The following EPHA8 variants were observed in gnomAD, a reference collection of about 807,000 sequenced individuals.
EPHA8 encodes EPH receptor A8, also known as ephrin type-A receptor 8.
In EPHA8, 58 loss-of-function variants were observed where a neutral mutation model predicts 103.6. The ratio of observed to expected loss-of-function variants is 0.56; its 90% CI spans 0.45 to 0.70. EPHA8 has a LOEUF of 0.70. Ranked by LOEUF, EPHA8 falls within the 30% of genes least tolerant of loss-of-function variation. The pLI, the probability that EPHA8 is intolerant of heterozygous loss-of-function variation, is 0.00. For missense variants in EPHA8, 1,304 were observed against 1,395.2 expected (o/e 0.93, Z 1.04); for synonymous variants, 559 against 572.5 (o/e 0.98, Z 0.34).
In EPHA8 at chr1:22,597,752, C is replaced by G; in HGVS notation, c.2007C>G (p.Leu669=). 2 of 1,613,178 alleles carry G rather than the reference C, an allele frequency of 1.2e-6. No homozygotes were observed. The highest frequency in any genetic ancestry group is 1.7e-6 in the Non-Finnish European group (2 of 1,179,998). ...QRDVPVAIKA[L]KAGYTERQRR... is the part of the protein sequence containing the mutation. ...ATGTGCCCGTGGCCATCAAGGCCCT[C>G]AAAGCCGGCTACACGGAGAGACAGA... The change falls in exon 11 of 17, where the codon CTC becomes CTG. Residue 669 remains leucine (L), a synonymous_variant. Coordinates refer to ENST00000166244, the MANE Select transcript of EPHA8 (RefSeq NM_020526.5). This position sits in a 1 kb window ranked among gnomAD's most constrained non-coding sequence, Gnocchi z 4.6.
At chr1:22,564,138 G>A (rs953797293) in intron 1 of EPHA8, among the ~76,000 whole-genome samples, 1 of 151,164 alleles carries the variant, frequency 6.6e-6, no homozygotes, top group African/African-American at 2.4e-5. Flanking sequence ...CAGGGGGGTA[G>A]GCACTGGGGT....
At chr1:22,579,904 T>G (rs918250368) in intron 3 of EPHA8, among the ~76,000 whole-genome samples, 3 of 151,984 alleles carry the variant, frequency 2.0e-5, no homozygotes, top group African/African-American at 4.8e-5. Flanking sequence ...CCTTTAGTCC[T>G]CATCACCCAT....
chr1:22,564,770 C>T (rs757590740), intron 1 of EPHA8, among the ~76,000 whole-genome samples: 5 of 152,110 alleles, frequency 3.3e-5, no homozygotes, highest in African/African-American at 4.8e-5. Flanking sequence ...GTTCCCACAG[C>T]TCTGCCCCAA....
At chr1:22,577,973 GTA>G (rs1491541780) in intron 3 of EPHA8, among the ~76,000 whole-genome samples, 1 of 62,830 alleles carries the variant, frequency 1.6e-5, no homozygotes, top group Non-Finnish European at 3.0e-5. Flanking sequence ...GTGCATGTGC[GTA>G]TGTGTGCATG....
At chr1:22,573,460 A>C (rs1640599239) in intron 2 of EPHA8, among the ~76,000 whole-genome samples, 1 of 152,158 alleles carries the variant, frequency 6.6e-6, no homozygotes, top group Admixed American at 6.5e-5. Flanking sequence ...GATGGGCAGA[A>C]AAAGACTTGA....
chr1:22,564,904 C>T (rs994028725), intron 1 of EPHA8, among the ~76,000 whole-genome samples: 1 of 152,112 alleles, frequency 6.6e-6, no homozygotes, highest in Non-Finnish European at 1.5e-5. Context: ...TGCTCTTCCA[C>T]GCCCAGACAG....
At chr1:22,601,507 G>A in intron 16 of EPHA8, 34 bp downstream of exon 16, 1 of 1,604,790 alleles carries the variant, frequency 6.2e-7, no homozygotes, top group Non-Finnish European at 8.5e-7. Context: ...CCCCATGCGT[G>A]TGGGGGCAGG....
At chr1:22,593,859 G>GT (rs1266217311) in intron 7 of EPHA8, among the ~76,000 whole-genome samples, 173 bp downstream of exon 7, 2 of 152,228 alleles carry the variant, frequency 1.3e-5, no homozygotes, top group Non-Finnish European at 2.9e-5. Context: ...TTGAGACAGA[G>GT]TTTCACTCTG....
In EPHA8 at chr1:22,576,604, C is replaced by T; in HGVS notation, c.547C>T (p.Leu183=). Residue 183 remains leucine, a synonymous_variant, in exon 3 of 17, where the codon CTG becomes TTG. Transcript: ENST00000166244. The surrounding 1 kb of genome is among the most constrained non-coding windows in gnomAD (Gnocchi z 4.8). ...VGPLSKRGFY[L]AFQDIGACLA... Reference sequence around the variant, plus strand: ...TCCCCTCAGCAAGCGCGGCTTCTACCTGGCCTTCCAGGACATAGGTGCCTG... The same window carrying T: ...TCCCCTCAGCAAGCGCGGCTTCTACTTGGCCTTCCAGGACATAGGTGCCTG... 2.5e-6 allele frequency: 4 copies of T among 1,614,064 alleles called. No individual in the cohort carries two copies. The highest frequency in any genetic ancestry group is 3.4e-6 in the Non-Finnish European group (4 of 1,180,048).
chr1:22,596,690 C>T (rs1168490083), intron 9 of EPHA8, among the ~76,000 whole-genome samples: 1 of 151,056 alleles, frequency 6.6e-6, no homozygotes, highest in Non-Finnish European at 1.5e-5. Context: ...GAGACAGAGT[C>T]TCACTCTGTT....
In EPHA8 at chr1:22,601,697, C is replaced by A. The variant is rs542943867; in HGVS notation, c.2974C>A (p.Arg992=). The change falls in exon 17 of 17, where the codon CGG becomes AGG. Residue 992 remains arginine, a synonymous_variant. Coordinates refer to ENST00000166244, the MANE Select transcript of EPHA8 (RefSeq NM_020526.5). Reference sequence around the variant, plus strand: ...GATCCTGGGCAGCATTCAGACCATGCGGGCCCAGCTGACCAGCACCCAGGG... The same window carrying A: ...GATCCTGGGCAGCATTCAGACCATGAGGGCCCAGCTGACCAGCACCCAGGG... ...KKILGSIQTM[R]AQLTSTQGPR... is the part of the protein sequence containing the mutation. 2 of 1,581,468 alleles carry A rather than the reference C, an allele frequency of 1.3e-6. No individual in the cohort carries two copies. Among genetic ancestry groups the A allele is most frequent in the South Asian group, 1.2e-5 (1 of 86,870 alleles).
intron 4 of EPHA8, among the ~76,000 whole-genome samples, chr1:22,586,974 C>T (rs977797604): frequency 6.6e-6 from 1 of 152,268 alleles, no homozygotes; most frequent in African/African-American, 2.4e-5. Context: ...CCAGGGTGCT[C>T]GCCTGTGCGG....
chr1:22,578,481 AGTGT>A (rs1024843126), intron 3 of EPHA8, among the ~76,000 whole-genome samples: 34 of 98,714 alleles, frequency 3.4e-4, no homozygotes, highest in African/African-American at 1.3e-3. Flanking sequence ...CATGTGCATG[AGTGT>A]GTGCATGTGT....
At chr1:22,578,646 TG>T (rs777574928) in intron 3 of EPHA8, among the ~76,000 whole-genome samples, 2 of 109,594 alleles carry the variant, frequency 1.8e-5, no homozygotes, top group Non-Finnish European at 3.7e-5. Context: ...TGTATGTGTA[TG>T]TGTGTGCATG....
In EPHA8 at chr1:22,574,759, A is replaced by G. The variant is rs115839868; in HGVS notation, c.160-1458A>G. Among the ~76,000 whole-genome samples, 1,193 of 152,244 alleles carry G rather than the reference A, an allele frequency of 7.8e-3. 11 individuals are homozygous for G. Among genetic ancestry groups the G allele is most frequent in the African/African-American group, 0.027 (1,120 of 41,544 alleles). ...ATGCTGCTATGAATAGGGGTGTACAAATATCTTTTTGAGACCCTGCTTTCA... is the reference window on the plus strand; with the variant it reads ...ATGCTGCTATGAATAGGGGTGTACAGATATCTTTTTGAGACCCTGCTTTCA... On this transcript the variant is annotated intron_variant, in intron 2 of 16. Transcript: ENST00000166244.
At position 22,603,211 on chromosome 1, in the gene EPHA8, A is replaced by C. The variant is rs1044407256; in HGVS notation, c.*1470A>C. ...GCCAGCACAGCTATCCCGCGGGGAC[A>C]CCAGCACTGAGCCCCCTCTCCCTCC... On this transcript the variant is annotated 3_prime_UTR_variant, in exon 17 of 17. Transcript: ENST00000166244. 6.2e-5 allele frequency: 9 copies of C among 146,148 alleles called. No homozygotes were observed. The highest frequency in any genetic ancestry group is 2.0e-4 in the African/African-American group (8 of 39,926). The allele number at this position is 146,148 out of a possible 1,614,324, so 9.1% of individuals were successfully genotyped here. A position where few individuals can be genotyped will look rare whatever the true frequency, so the allele number is the denominator to read the frequency against.
At chr1:22,593,806 C>A in intron 7 of EPHA8, 120 bp downstream of exon 7, 1 of 1,214,586 alleles carries the variant, frequency 8.2e-7, no homozygotes, top group Non-Finnish European at 1.1e-6. Context: ...GATTTCTGCT[C>A]TCCTTGCCCT....
In EPHA8 at chr1:22,601,073, C is replaced by T; in HGVS notation, c.2714C>T (p.Thr905Ile). The T allele has an allele frequency of 6.2e-7, 1 of 1,607,734 alleles. No individual in the cohort carries two copies. The highest frequency in any genetic ancestry group is 8.5e-7 in the Non-Finnish European group (1 of 1,177,190). Reference protein sequence around the residue: ...LIRSPESLRATATVSRCPPPA... With the variant: ...LIRSPESLRAIATVSRCPPPA... ...CGCAGCCCTGAGAGTCTCAGGGCCACCGCCACAGTCAGCAGGTGCCTTGTG... is the reference window on the plus strand; with the variant it reads ...CGCAGCCCTGAGAGTCTCAGGGCCATCGCCACAGTCAGCAGGTGCCTTGTG... Residue 905 changes from threonine to isoleucine, a missense_variant, in exon 15 of 17, where the codon ACC becomes ATC. Coordinates refer to ENST00000166244, the MANE Select transcript of EPHA8 (RefSeq NM_020526.5).
At chr1:22,585,417 T>C (rs1641175411) in intron 3 of EPHA8, among the ~76,000 whole-genome samples, 2 of 152,146 alleles carry the variant, frequency 1.3e-5, no homozygotes, top group African/African-American at 2.4e-5. Flanking sequence ...CCCTGCACAG[T>C]GGACTCCTTA....
Sources: allele counts gnomAD v4.1 joint callset (sites outside exome capture counted in the v4.1 genomes callset), GRCh38; gene constraint gnomAD v4.1.1; non-coding constraint Gnocchi (gnomAD v3.1); transcripts MANE v1.5; gene names NCBI Gene and HGNC (gene_info 2026-07-23, HGNC 2026-07-21).